The following ESRRB variants were observed in gnomAD, a reference collection of about 807,000 sequenced individuals.
ESRRB encodes steroid hormone receptor ERR2.
A neutral mutation model predicts 46.0 loss-of-function variants in ESRRB; 16 were observed. The observed-to-expected ratio is 0.35, with a 90% CI of 0.24 to 0.53. The LOEUF (loss-of-function observed/expected upper bound fraction) is 0.53, where lower values mean the gene tolerates loss of function less well. Among genes scored for constraint, ESRRB ranks in the 20% least tolerant of loss-of-function variants. The pLI is 0.93. For synonymous variants in ESRRB, 246 were observed against 259.6 expected (o/e 0.95, Z 0.50); for missense variants, 488 against 607.4 (o/e 0.80, Z 2.07).
intron 1 of ESRRB, among the ~76,000 whole-genome samples, chr14:76,388,625 T>C (rs1028428923): frequency 6.6e-6 from 1 of 152,158 alleles, no homozygotes; most frequent in Non-Finnish European, 1.5e-5. Context: ...GAAGAATTGC[T>C]GCACAGAGTC....
chr14:76,351,986 T>TAAAAAA lies in ESRRB; in HGVS notation c.2+41088_2+41093dup, dbSNP rs201356393. Among the ~76,000 whole-genome samples the TAAAAAA allele has an allele frequency of 2.6e-3, 241 of 91,734 alleles. 6 individuals carry two copies. Among genetic ancestry groups the TAAAAAA allele is most frequent in the African/African-American group, 0.011 (220 of 20,840 alleles). 60.2% of individuals were successfully genotyped at this position (91,734 alleles called of 152,430 possible). A position where few individuals can be genotyped will look rare whatever the true frequency, so the allele number is the denominator to read the frequency against. ...GGAGACAGAGTGAGACCCAGTCTCT[T>TAAAAAA]AAAAAAAAAAAAAAAAAAAAAAAGC... On this transcript the variant is annotated intron_variant, in intron 1 of 6. Transcript: ENST00000512784.
In ESRRB at chr14:76,500,976, A is replaced by C; in HGVS notation, c.*2518A>C. On this transcript the variant is annotated 3_prime_UTR_variant, in exon 7 of 7. Transcript: ENST00000644823. ...GAAGGGGTCCATTGGACACTCAGAA[A>C]AGAAGTTCAGGGGCCAACTTCTTAG... 1.8e-6 allele frequency: 1 copy of C among 555,764 alleles called. No individual in the cohort carries two copies. The highest frequency in any genetic ancestry group is 3.2e-6 in the Non-Finnish European group (1 of 310,428). The allele number at this position is 555,764 out of a possible 1,614,324, so 34.4% of individuals were successfully genotyped here. A position where few individuals can be genotyped will look rare whatever the true frequency, so the allele number is the denominator to read the frequency against.
intron 1 of ESRRB, among the ~76,000 whole-genome samples, chr14:76,421,524 C>G (rs1041084752): frequency 6.6e-6 from 1 of 152,144 alleles, no homozygotes; most frequent in Non-Finnish European, 1.5e-5. Flanking sequence ...TCTTTTTCTT[C>G]CAAAGAGCTT....
intron 2 of ESRRB, among the ~76,000 whole-genome samples, chr14:76,461,041 TC>T (rs1244574192): frequency 6.6e-6 from 1 of 151,406 alleles, no homozygotes; most frequent in East Asian, 1.9e-4. Context: ...CCACCTGCTC[TC>T]CCCCCATCGT....
At chr14:76,379,316 C>T (rs1231751498) in intron 1 of ESRRB, among the ~76,000 whole-genome samples, 1 of 152,104 alleles carries the variant, frequency 6.6e-6, no homozygotes, top group African/African-American at 2.4e-5. Context: ...AGCTGGAGAC[C>T]CACGGCAAAC....
At chr14:76,477,189 T>C (rs1337513490) in intron 3 of ESRRB, among the ~76,000 whole-genome samples, 8 of 152,172 alleles carry the variant, frequency 5.3e-5, no homozygotes, top group Admixed American at 4.6e-4. Flanking sequence ...CACAGGACCC[T>C]CCCACTCTAA....
intron 2 of ESRRB, among the ~76,000 whole-genome samples, chr14:76,450,806 G>A (rs1359442563): frequency 6.6e-6 from 1 of 152,192 alleles, no homozygotes; most frequent in African/African-American, 2.4e-5. Flanking sequence ...GGAGCTAGGT[G>A]CTGGTCCCGG....
intron 1 of ESRRB, among the ~76,000 whole-genome samples, chr14:76,435,410 G>A (rs959772393): frequency 5.9e-5 from 9 of 152,238 alleles, no homozygotes; most frequent in African/African-American, 1.9e-4. Flanking sequence ...AAGTATGAGC[G>A]TCTTGAGATC....
chr14:76,369,197 A>C (rs114049953), upstream of ESRRB, among the ~76,000 whole-genome samples: 3,291 of 151,486 alleles, frequency 0.022, 123 homozygotes, highest in African/African-American at 0.076. Flanking sequence ...AAAAGAAAAA[A>C]AAAAAAGCTG....
In ESRRB at chr14:76,399,697, TC is replaced by T. The variant is rs746764333; in HGVS notation, c.50+23249del. Among the ~76,000 whole-genome samples, 47 of 152,300 alleles carry T rather than the reference TC, an allele frequency of 3.1e-4. No individual in the cohort carries two copies. In the Middle Eastern group the frequency reaches 0.01, roughly 33 times the overall value. ...CAGATAATCTGGGCTGAAAGGCAGC[TC>T]CCAAGAGGAACTCCAAAAATGCTTT... On this transcript the variant is annotated intron_variant, in intron 1 of 6. Coordinates refer to ENST00000644823, the MANE Select transcript of ESRRB (RefSeq NM_001379180.1).
chr14:76,421,138 A>G (rs1886936492), intron 1 of ESRRB, among the ~76,000 whole-genome samples: 2 of 152,126 alleles, frequency 1.3e-5, no homozygotes, highest in Admixed American at 1.3e-4. Context: ...ATCCAGCCGG[A>G]GGAGGACAGA....
At chr14:76,409,465 G>A (rs927190827) in intron 1 of ESRRB, among the ~76,000 whole-genome samples, 3 of 152,050 alleles carry the variant, frequency 2.0e-5, no homozygotes, top group Admixed American at 6.6e-5. Context: ...CCGTGGCGAC[G>A]GTCTTCCTCC....
At chr14:76,354,806 T>C (rs896581258) in intron 1 of ESRRB, among the ~76,000 whole-genome samples, 1 of 149,652 alleles carries the variant, frequency 6.7e-6, no homozygotes, top group Non-Finnish European at 1.5e-5. Flanking sequence ...ACCACCTGGG[T>C]TCAAGAGATT....
chr14:76,358,384 AAAG>A (rs1884420060), intron 1 of ESRRB, among the ~76,000 whole-genome samples: 2 of 99,416 alleles, frequency 2.0e-5, no homozygotes, highest in Non-Finnish European at 4.5e-5. Flanking sequence ...AGAAAGAAAG[AAAG>A]AAAGAAAGAA....
rs117450727 is a variant in ESRRB, at chr14:76,348,561, C to G, written c.2+37645C>G. 9.1e-4 allele frequency among the ~76,000 whole-genome samples: 139 copies of G among 152,312 alleles called. 2 individuals are homozygous for G. In the East Asian group the frequency reaches 0.025, roughly 27 times the overall value. ...AAAGCCAGTGCAGTTCCTGAGAAAACAGGTCACTCAGTCTCTCCAAGCCTC... is the reference window on the plus strand; with the variant it reads ...AAAGCCAGTGCAGTTCCTGAGAAAAGAGGTCACTCAGTCTCTCCAAGCCTC... On this transcript the variant is annotated intron_variant, in intron 1 of 6. Transcript: ENST00000512784.
intron 1 of ESRRB, among the ~76,000 whole-genome samples, chr14:76,435,087 C>T (rs1887616501): frequency 6.6e-6 from 1 of 152,146 alleles, no homozygotes; most frequent in Non-Finnish European, 1.5e-5. Context: ...AATAAGATGG[C>T]ACGGAAGAAG....
At chr14:76,380,822 A>T (rs573756019) in intron 1 of ESRRB, among the ~76,000 whole-genome samples, 1 of 152,312 alleles carries the variant, frequency 6.6e-6, no homozygotes, top group South Asian at 2.1e-4. Flanking sequence ...AGGTGCTGCC[A>T]GTGCAGGGTC....
chr14:76,382,432 G>A (rs1316153916), intron 1 of ESRRB, among the ~76,000 whole-genome samples: 1 of 152,186 alleles, frequency 6.6e-6, no homozygotes, highest in Non-Finnish European at 1.5e-5. Context: ...TTCTGGCCTG[G>A]GTAGGGGTGG....
rs967185373 is a variant in ESRRB, at chr14:76,416,238, G to A, written c.51-23103G>A. On this transcript the variant is annotated intron_variant, in intron 1 of 6. Coordinates refer to ENST00000644823, the MANE Select transcript of ESRRB (RefSeq NM_001379180.1). ...GCAACCTCTTGGCTCCTGGGATCAA[G>A]GGATCCTCCTGCCTCAGCCCTCCAA... Among the ~76,000 whole-genome samples the A allele has an allele frequency of 2.0e-5, 3 of 149,598 alleles. No homozygotes were observed. The Admixed American group carries it at 2.0e-4, about 10-fold the overall frequency.
Sources: gnomAD v4.1 joint callset for allele counts (sites outside exome capture counted in the v4.1 genomes callset) on GRCh38, gnomAD v4.1.1 for gene constraint, MANE v1.5 for transcripts, NCBI Gene and HGNC (gene_info 2026-07-23, HGNC 2026-07-21) for gene names.